The following LPP variants were observed in gnomAD, a reference collection of about 807,000 sequenced individuals.
The protein encoded by LPP is LIM domain containing preferred translocation partner in lipoma.
Under a neutral mutation model 60.4 loss-of-function variants are expected in LPP, and 38 were observed. The observed-to-expected ratio is 0.63, with a 90% CI of 0.49 to 0.83. LPP has a LOEUF of 0.83. Among genes scored for constraint, LPP ranks in the 40% least tolerant of loss-of-function variants. The pLI is 0.00. For synonymous variants in LPP, 328 were observed against 290.8 expected, an observed-to-expected ratio of 1.13 and a Z score of -1.30; for missense variants, 902 against 783.6, an observed-to-expected ratio of 1.15 and a Z score of -1.80.
At chr3:188,428,409 A>G (rs991145199) in intron 4 of LPP, among the ~76,000 whole-genome samples, 7 of 152,106 alleles carry the variant, frequency 4.6e-5, no homozygotes, top group South Asian at 2.1e-4. Flanking sequence ...GGGACTTGGA[A>G]TCTACAAATG....
At chr3:188,665,440 T>TA (rs1362833145) in intron 7 of LPP, among the ~76,000 whole-genome samples, 3 of 148,472 alleles carry the variant, frequency 2.0e-5, no homozygotes, top group Non-Finnish European at 4.4e-5. Context: ...AGAGCAAACA[T>TA]ATTCCTTCTT....
chr3:188,498,956 T>G (rs1454106734), intron 5 of LPP, among the ~76,000 whole-genome samples: 1 of 152,184 alleles, frequency 6.6e-6, no homozygotes, highest in East Asian at 1.9e-4. Context: ...TATATCTTCT[T>G]TGGAGAAATG....
At position 188,792,388 on chromosome 3, in the gene LPP, C is replaced by T. The variant is rs556909916; in HGVS notation, c.1410+32106C>T. ...CCTGCTTACCGCAAGCTCACTGCCT[C>T]CTCCTCAGATTGTGCCAGACATACC... On this transcript the variant is annotated intron_variant, in intron 9 of 11. Transcript: ENST00000617246. Among the ~76,000 whole-genome samples the T allele has an allele frequency of 1.1e-3, 162 of 152,332 alleles. 2 individuals carry two copies. Among genetic ancestry groups the T allele is most frequent in the African/African-American group, 3.8e-3 (158 of 41,576 alleles).
chr3:188,760,409 GGTGTGT>G (rs3841956), intron 9 of LPP, 127 bp downstream of exon 9: 145 of 602,752 alleles, frequency 2.4e-4, no homozygotes, highest in Admixed American at 4.2e-4. Flanking sequence ...GTGTGTGTGG[GGTGTGT>G]GTGTGTGTGT....
At chr3:188,374,954 A>T (rs1306444177) in intron 3 of LPP, among the ~76,000 whole-genome samples, 1 of 152,010 alleles carries the variant, frequency 6.6e-6, no homozygotes, top group African/African-American at 2.4e-5. Context: ...TTCTGCATCT[A>T]TTGAGATAAT....
At chr3:188,321,071 G>A (rs765510463) in intron 2 of LPP, among the ~76,000 whole-genome samples, 4 of 152,318 alleles carry the variant, frequency 2.6e-5, no homozygotes, top group Non-Finnish European at 5.9e-5. Context: ...CAGTCTCTTG[G>A]TCTTGAGATA....
chr3:188,361,444 C>A lies in LPP; in HGVS notation c.-10+19725C>A, dbSNP rs574181960. Among the ~76,000 whole-genome samples, 456 of 141,350 alleles carry A rather than the reference C, an allele frequency of 3.2e-3. 4 individuals carry two copies. Among genetic ancestry groups the A allele is most frequent in the African/African-American group, 0.011 (432 of 38,210 alleles). 92.7% of individuals were successfully genotyped at this position (141,350 alleles called of 152,430 possible). ...TCCCTTCCTTCCCTCCCCTCCCTCC[C>A]TCCTTCCCCTCCCTCCCTTCCTTCC... On this transcript the variant is annotated intron_variant, in intron 3 of 11. Transcript: ENST00000617246.
chr3:188,884,337 G>A lies in LPP; in HGVS notation c.*9858G>A, dbSNP rs973295558. The stretch of plus-strand genomic sequence containing the variant: ...TGAGAACACCTTAGAGGACAATATC[G>A]ACTTCTTACAGACTACCAAGCCCCC... On this transcript the variant is annotated 3_prime_UTR_variant, in exon 12 of 12. Transcript: ENST00000617246. 6.1e-5 allele frequency: 14 copies of A among 230,340 alleles called. No homozygotes were observed. The highest frequency in any genetic ancestry group is 2.0e-4 in the African/African-American group (9 of 45,120). The allele number at this position is 230,340 out of a possible 1,614,324, so 14.3% of individuals were successfully genotyped here.
chr3:188,159,217 T>A (rs1717443905), intron 1 of LPP, among the ~76,000 whole-genome samples: 2 of 152,218 alleles, frequency 1.3e-5, no homozygotes, highest in South Asian at 4.1e-4. Context: ...ATATGTTCTC[T>A]GGTGCTGAAC....
intron 2 of LPP, among the ~76,000 whole-genome samples, chr3:188,335,846 C>T (rs775492818): frequency 2.6e-5 from 4 of 152,080 alleles, no homozygotes; most frequent in Non-Finnish European, 5.9e-5. Flanking sequence ...GGAACAATTA[C>T]CTCTTCTATA....
At chr3:188,307,160 C>T (rs545588282) in intron 2 of LPP, among the ~76,000 whole-genome samples, 2 of 152,228 alleles carry the variant, frequency 1.3e-5, no homozygotes, top group South Asian at 4.1e-4. Context: ...TATTATTATC[C>T]CATTTTACAG....
intron 7 of LPP, among the ~76,000 whole-genome samples, chr3:188,619,200 T>G (rs1415072423): frequency 6.6e-6 from 1 of 152,122 alleles, no homozygotes; most frequent in Non-Finnish European, 1.5e-5. Context: ...AATTTTTGTA[T>G]TTTTGGTAGA....
At chr3:188,491,770 T>C (rs1286897789) in intron 5 of LPP, among the ~76,000 whole-genome samples, 1 of 152,230 alleles carries the variant, frequency 6.6e-6, no homozygotes, top group Non-Finnish European at 1.5e-5. Context: ...TGATTGGTTA[T>C]TCAGATAAGA....
chr3:188,341,692 C>G lies in LPP; in HGVS notation c.-37C>G. On this transcript the variant is annotated 5_prime_UTR_variant, in exon 3 of 12. Coordinates refer to ENST00000617246, the MANE Select transcript of LPP (RefSeq NM_001375462.1). ...GCAGTTGGCTGAACCTTGTGTCAAC[C>G]ATCCATTCCAGGAGCCAGCTATCTG... 1 of 985,206 alleles carries G rather than the reference C, an allele frequency of 1.0e-6. No individual in the cohort carries two copies. Among genetic ancestry groups the G allele is most frequent in the South Asian group, 4.7e-5 (1 of 21,274 alleles). The allele number at this position is 985,206 out of a possible 1,614,324, so 61.0% of individuals were successfully genotyped here. A position where few individuals can be genotyped will look rare whatever the true frequency, so the allele number is the denominator to read the frequency against.
intron 9 of LPP, among the ~76,000 whole-genome samples, chr3:188,839,317 C>A (rs528532374): frequency 6.6e-6 from 1 of 152,080 alleles, no homozygotes; most frequent in Non-Finnish European, 1.5e-5. Flanking sequence ...CTGCAAGGGC[C>A]GATCATTACT....
intron 2 of LPP, among the ~76,000 whole-genome samples, chr3:188,326,887 A>G (rs111782779): frequency 0.03 from 4,594 of 152,154 alleles, 103 homozygotes; most frequent in Non-Finnish European, 0.047. Context: ...TTTGATAAGC[A>G]TTCTTATTTT....
chr3:188,274,976 T>G (rs767572858), intron 2 of LPP, among the ~76,000 whole-genome samples: 2 of 152,238 alleles, frequency 1.3e-5, no homozygotes, highest in Non-Finnish European at 2.9e-5. Context: ...ACAGTCAAGC[T>G]TTCTAGGTAA....
chr3:188,448,371 A>AATATCTATCTAAATAGATATTATTTAG (rs140471443), intron 4 of LPP, among the ~76,000 whole-genome samples: 142,325 of 150,306 alleles, frequency 0.95, 67,582 homozygotes, highest in East Asian at 0.99. Context: ...AATAGATAAT[A>AATATCTATCTAAATAGATATTATTTAG]ATATCTATCT....
At chr3:188,828,450 CAAA>C (rs756013067) in intron 9 of LPP, among the ~76,000 whole-genome samples, 1 of 119,012 alleles carries the variant, frequency 8.4e-6, no homozygotes, top group Non-Finnish European at 1.8e-5. Context: ...ACTAAAAATA[CAAA>C]AAAAAAAAAA....
Sources: allele counts gnomAD v4.1 joint callset (sites outside exome capture counted in the v4.1 genomes callset), GRCh38; gene constraint gnomAD v4.1.1; transcripts MANE v1.5; gene names NCBI Gene and HGNC (gene_info 2026-07-23, HGNC 2026-07-21).